Variants in ELMO1 observed in about 807,000 individuals in gnomAD.
ELMO1 encodes engulfment and cell motility protein 1.
ELMO1 carries 26 observed loss-of-function variants against 98.9 expected under a neutral mutation model. The ratio of observed to expected loss-of-function variants is 0.26; its 90% CI spans 0.19 to 0.36. ELMO1 has a LOEUF of 0.36. ELMO1 is among the 10% of genes least tolerant of loss of function. The pLI is 1.00. For missense variants in ELMO1, 627 were observed against 935.2 expected, an observed-to-expected ratio of 0.67 and a Z score of 4.30; for synonymous variants, 346 against 346.0, an observed-to-expected ratio of 1.00 and a Z score of 0.00.
intron 1 of ELMO1, among the ~76,000 whole-genome samples, chr7:37,418,597 G>C (rs1283717196): frequency 6.6e-6 from 1 of 152,204 alleles, no homozygotes; most frequent in Non-Finnish European, 1.5e-5. Flanking sequence ...ACTGTGCTGT[G>C]CCAGTGCAAC....
At chr7:37,292,827 C>A in intron 4 of ELMO1, among the ~76,000 whole-genome samples, 1 of 108,640 alleles carries the variant, frequency 9.2e-6, no homozygotes, top group African/African-American at 3.3e-5. Context: ...CCGCCCTGTC[C>A]GGGAGGTGAG....
chr7:37,292,731 G>GT (rs1797782408), intron 4 of ELMO1, among the ~76,000 whole-genome samples: 1 of 86,230 alleles, frequency 1.2e-5, no homozygotes, highest in African/African-American at 4.2e-5. Flanking sequence ...CGTCCGGGAG[G>GT]GAGGTGGGGG....
At chr7:37,440,686 T>C (rs942358876) in intron 1 of ELMO1, among the ~76,000 whole-genome samples, 11 of 151,568 alleles carry the variant, frequency 7.3e-5, no homozygotes, top group African/African-American at 2.4e-4. Context: ...GGAGAATCGC[T>C]TGAACTCGGT....
Position 37,329,528 on chromosome 7 carries a change from G to A in ELMO1, c.78+13085C>T, listed in dbSNP as rs1799990907. Reference sequence around the variant, plus strand: ...CAGGTGTGCAATCTCAAATGACAGGGGATTGCACTGGGGTTGAGAGAAGTT... The same window carrying A: ...CAGGTGTGCAATCTCAAATGACAGGAGATTGCACTGGGGTTGAGAGAAGTT... On this transcript the variant is annotated intron_variant, in intron 2 of 21. Transcript: ENST00000310758. Among the ~76,000 whole-genome samples, 4 of 152,090 alleles carry A rather than the reference G, an allele frequency of 2.6e-5. No individual in the cohort carries two copies. The South Asian group carries it at 8.3e-4, about 32-fold the overall frequency.
Position 36,939,732 on chromosome 7 carries a change from C to G in ELMO1, c.1438-44715G>C, listed in dbSNP as rs559243679. Among the ~76,000 whole-genome samples, 6 of 152,294 alleles carry G rather than the reference C, an allele frequency of 3.9e-5. No homozygotes were observed. In the South Asian group the frequency reaches 1.2e-3, roughly 32 times the overall value. Reference sequence around the variant, plus strand: ...GGTGCCCCACTCTCAGAAAGCCAGGCCGACAAGGAGAGAGCAGGAATTGCA... The same window carrying G: ...GGTGCCCCACTCTCAGAAAGCCAGGGCGACAAGGAGAGAGCAGGAATTGCA... On this transcript the variant is annotated intron_variant, in intron 16 of 21. Transcript: ENST00000310758.
At chr7:37,231,815 G>A (rs1318004374) in intron 8 of ELMO1, among the ~76,000 whole-genome samples, 2 of 152,072 alleles carry the variant, frequency 1.3e-5, no homozygotes, top group Admixed American at 6.6e-5. Context: ...AACTTTAGGG[G>A]AGGCTGGATG....
Position 37,288,362 on chromosome 7 carries a change from T to C in ELMO1, c.193-16480A>G, listed in dbSNP as rs977236201. 2.8e-4 allele frequency among the ~76,000 whole-genome samples: 42 copies of C among 152,156 alleles called. 1 individual carries two copies. Among genetic ancestry groups the C allele is most frequent in the Middle Eastern group, 3.2e-3 (1 of 316 alleles). On this transcript the variant is annotated intron_variant, in intron 4 of 21. Transcript: ENST00000310758. Reference sequence around the variant, plus strand: ...GCCTCAGCCTCCCAAGTAGCTGGAATTACAGGCATGCGCCACCATGCCCGG... The same window carrying C: ...GCCTCAGCCTCCCAAGTAGCTGGAACTACAGGCATGCGCCACCATGCCCGG...
rs575362391 is a variant in ELMO1, at chr7:36,946,537, C to T, written c.1438-51520G>A. On this transcript the variant is annotated intron_variant, in intron 16 of 21. Transcript: ENST00000310758. ...TAGTTAAAATGAGAATGGCATGTTCCGCAACCACCTCTGTGTTTGTGTTGC... is the reference window on the plus strand; with the variant it reads ...TAGTTAAAATGAGAATGGCATGTTCTGCAACCACCTCTGTGTTTGTGTTGC... 3.0e-4 allele frequency among the ~76,000 whole-genome samples: 46 copies of T among 152,274 alleles called. 1 individual carries two copies. In the South Asian group the frequency reaches 8.9e-3, roughly 30 times the overall value.
chr7:37,199,295 T>G (rs1047374127), intron 13 of ELMO1, among the ~76,000 whole-genome samples: 1 of 152,178 alleles, frequency 6.6e-6, no homozygotes, highest in Non-Finnish European at 1.5e-5. Flanking sequence ...TTTTAAAATT[T>G]TTCCCTTAAA....
At chr7:37,022,192 G>A (rs182660448) in intron 15 of ELMO1, among the ~76,000 whole-genome samples, 225 of 152,252 alleles carry the variant, frequency 1.5e-3, no homozygotes, top group Non-Finnish European at 2.6e-3. Context: ...TAAGGTGGGC[G>A]AAAGTTTCTT....
intron 1 of ELMO1, among the ~76,000 whole-genome samples, chr7:37,410,266 T>C (rs1803943689): frequency 6.6e-6 from 1 of 152,232 alleles, no homozygotes; most frequent in Non-Finnish European, 1.5e-5. Flanking sequence ...CCCTAAAGTT[T>C]TGCTAAATTA....
At chr7:37,380,226 T>A (rs1802528193) in intron 1 of ELMO1, among the ~76,000 whole-genome samples, 1 of 152,244 alleles carries the variant, frequency 6.6e-6, no homozygotes, top group Non-Finnish European at 1.5e-5. Flanking sequence ...TTTCTACTAT[T>A]TAGCCATCCT....
intron 15 of ELMO1, among the ~76,000 whole-genome samples, chr7:37,061,757 A>C (rs1270727638): frequency 6.6e-6 from 1 of 152,230 alleles, no homozygotes; most frequent in Non-Finnish European, 1.5e-5. Context: ...ATACTGAAAT[A>C]AATACACCGA....
At chr7:37,009,246 T>C (rs1320701165) in intron 16 of ELMO1, among the ~76,000 whole-genome samples, 1 of 152,146 alleles carries the variant, frequency 6.6e-6, no homozygotes, top group African/African-American at 2.4e-5. Context: ...CTAATGCCCA[T>C]AAAAATGAAT....
chr7:37,096,796 A>G (rs1337737606), intron 14 of ELMO1, 69 bp from the exon 15 acceptor site: 12 of 1,352,076 alleles, frequency 8.9e-6, no homozygotes, highest in Non-Finnish European at 1.2e-5. Context: ...TATCACCTTC[A>G]TTCCAATAGA....
chr7:37,223,977 G>A (rs1793731856), intron 9 of ELMO1, among the ~76,000 whole-genome samples: 1 of 37,404 alleles, frequency 2.7e-5, no homozygotes, highest in African/African-American at 5.0e-5. Flanking sequence ...AATGGACCAG[G>A]GGCAACAGTT....
At chr7:36,898,447 C>T (rs1315096109) in intron 16 of ELMO1, among the ~76,000 whole-genome samples, 1 of 152,118 alleles carries the variant, frequency 6.6e-6, no homozygotes, top group African/African-American at 2.4e-5. Flanking sequence ...TCTTCTTAGC[C>T]CATATTTTCT....
chr7:37,294,363 A>G (rs1389842944), intron 4 of ELMO1, among the ~76,000 whole-genome samples: 1 of 152,024 alleles, frequency 6.6e-6, no homozygotes, highest in Non-Finnish European at 1.5e-5. Flanking sequence ...TTTAAAAAAA[A>G]AAAAAAAAGG....
At chr7:37,380,488 C>A (rs908594195) in intron 1 of ELMO1, among the ~76,000 whole-genome samples, 4 of 152,182 alleles carry the variant, frequency 2.6e-5, no homozygotes, top group Non-Finnish European at 4.4e-5. Flanking sequence ...GTTTGCTTGA[C>A]ATAGCCTTTG....
Sources: gnomAD v4.1 joint callset for allele counts (sites outside exome capture counted in the v4.1 genomes callset) on GRCh38, gnomAD v4.1.1 for gene constraint, MANE v1.5 for transcripts, NCBI Gene and HGNC (gene_info 2026-07-23, HGNC 2026-07-21) for gene names.